RNF32: variants seen among roughly 807,000 people sequenced by gnomAD.
RNF32 encodes the protein ring finger protein 32.
A neutral mutation model predicts 41.0 loss-of-function variants in RNF32; 36 were observed. The ratio of observed to expected loss-of-function variants is 0.88; its 90% CI spans 0.67 to 1.16. RNF32 has a LOEUF of 1.16. RNF32 is among the 50% of genes most tolerant of loss of function. RNF32 has a pLI of 0.00. For synonymous variants in RNF32, 154 were observed against 160.9 expected (o/e 0.96, Z 0.32); for missense variants, 413 against 436.7 (o/e 0.95, Z 0.48).
In RNF32 at chr7:156,643,863, T is replaced by C. The variant is rs201517750; in HGVS notation, c.-15T>C. On this transcript the variant is annotated 5_prime_UTR_variant, in exon 2 of 9. Coordinates refer to ENST00000317955, the MANE Select transcript of RNF32 (RefSeq NM_030936.4). ...GAATTTGTGATAGCCAAGCAACAAC[T>C]TTTCCTAATTCGGCATGTTAAAAAA... The C allele has an allele frequency of 8.3e-5, 133 of 1,611,252 alleles. No individual in the cohort carries two copies. In the Middle Eastern group the frequency reaches 1.2e-3, roughly 14 times the overall value.
intron 7 of RNF32, among the ~76,000 whole-genome samples, chr7:156,663,098 T>G (rs1380120731): frequency 6.6e-6 from 1 of 152,136 alleles, no homozygotes; most frequent in Non-Finnish European, 1.5e-5. Context: ...CCTCCCAAAG[T>G]GCTGGGATTA....
chr7:156,654,345 A>G (rs771856522), intron 3 of RNF32: 7 of 430,036 alleles, frequency 1.6e-5, no homozygotes, highest in Non-Finnish European at 2.5e-5. Flanking sequence ...GAGGATATGC[A>G]TGGGTTGTAT....
intron 1 of RNF32, among the ~76,000 whole-genome samples, chr7:156,642,433 C>T (rs901078423): frequency 6.6e-6 from 1 of 152,190 alleles, no homozygotes; most frequent in African/African-American, 2.4e-5. Context: ...ATAATGTTGG[C>T]CAAGCCAAAG....
At chr7:156,643,757 C>T in intron 1 of RNF32, 44 bp from the exon 2 acceptor site, 1 of 880,254 alleles carries the variant, frequency 1.1e-6, no homozygotes, top group South Asian at 1.5e-5. Context: ...CATGGTTTTT[C>T]TGTGCACTGT....
intron 3 of RNF32, among the ~76,000 whole-genome samples, chr7:156,650,519 G>A (rs1230210898): frequency 6.6e-6 from 1 of 152,356 alleles, no homozygotes; most frequent in African/African-American, 2.4e-5. Flanking sequence ...ATTGTGGCCA[G>A]AGAGCACAGC....
At chr7:156,646,914 C>T (rs147584312) in intron 3 of RNF32, among the ~76,000 whole-genome samples, 2,346 of 152,182 alleles carry the variant, frequency 0.015, 42 homozygotes, top group African/African-American at 0.053. Flanking sequence ...TGCAGTGGTG[C>T]GATCTTGGCC....
Position 156,658,204 on chromosome 7 carries a change from G to C in RNF32, c.527G>C (p.Arg176Pro), listed in dbSNP as rs539583603. The change falls in exon 6 of 9, where the codon CGA (arginine) becomes CCA (proline). Residue 176 changes from arginine (R) to proline (P), a missense_variant. By Grantham distance (103) the Arg-to-Pro change is moderately radical (BLOSUM62 -2). Coordinates refer to ENST00000317955, the MANE Select transcript of RNF32 (RefSeq NM_030936.4). Reference sequence around the variant, plus strand: ...TGTAGAAAGAACCAGTATCAAACCCGAGTGATACACGATGGGGCCCGCCTG... The same window carrying C: ...TGTAGAAAGAACCAGTATCAAACCCCAGTGATACACGATGGGGCCCGCCTG... ...PLCRKNQYQT[R>P]VIHDGARLFR... 2 of 1,614,082 alleles carry C rather than the reference G, an allele frequency of 1.2e-6. No homozygotes were observed. The highest frequency in any genetic ancestry group is 1.3e-5 in the African/African-American group (1 of 74,930).
At chr7:156,676,184 T>C in intron 8 of RNF32, 7 of 1,293,788 alleles carry the variant, frequency 5.4e-6, no homozygotes, top group Non-Finnish European at 6.3e-6. Context: ...GGATGTTGCT[T>C]ATCACAGGTG....
intron 7 of RNF32, among the ~76,000 whole-genome samples, chr7:156,675,131 C>A (rs1227684587): frequency 6.6e-6 from 1 of 152,094 alleles, no homozygotes; most frequent in African/African-American, 2.4e-5. Context: ...GAAGAGGCAG[C>A]GGCGACCCGA....
Position 156,654,587 on chromosome 7 carries a change from G to T in RNF32, c.286G>T (p.Gly96Cys), listed in dbSNP as rs765083260. Reference protein sequence around the residue: ...PPPLTLAQKLGLIGPPPPPLS... With the variant: ...PPPLTLAQKLCLIGPPPPPLS... ...CTGTCTTACTTTAGCACAGAAGTTG[G>T]GCCTCATTGGGCCTCCACCACCTCC... The change falls in exon 4 of 9, where the codon GGC (glycine) becomes TGC (cysteine). Residue 96 changes from glycine (G) to cysteine (C), a missense_variant. Coordinates refer to ENST00000317955, the MANE Select transcript of RNF32 (RefSeq NM_030936.4). 4 of 1,613,864 alleles carry T rather than the reference G, an allele frequency of 2.5e-6. No individual in the cohort carries two copies. The Admixed American group carries it at 6.7e-5, about 27-fold the overall frequency.
rs1406606601 is a variant in RNF32, at chr7:156,669,299, C to G, written c.685-6397C>G. On this transcript the variant is annotated intron_variant, in intron 7 of 8. Coordinates refer to ENST00000317955, the MANE Select transcript of RNF32 (RefSeq NM_030936.4). The surrounding 1 kb of genome is among the most constrained non-coding windows in gnomAD (Gnocchi z 4.2). ...CTTCCTGCAGGGAGCTGGGGAGAGA[C>G]AAATAATAAAATATTTTGTTACAAT... The G allele has an allele frequency of 6.6e-6, 1 of 151,930 alleles. No homozygotes were observed. Among genetic ancestry groups the G allele is most frequent in the Non-Finnish European group, 1.5e-5 (1 of 68,008 alleles). The allele number at this position is 151,930 out of a possible 1,614,324, so 9.4% of individuals were successfully genotyped here. A position where few individuals can be genotyped will look rare whatever the true frequency, so the allele number is the denominator to read the frequency against.
rs1376818758 is a variant in RNF32 at position 156,676,102 on chromosome 7, G to T, written c.852+239G>T. On this transcript the variant is annotated intron_variant, in intron 8 of 8. Transcript: ENST00000317955. ...TGCCCTAGCTGCCCCTGCACCTGTGGTAGGACTTTCCTCATGGGCTTTAGG... is the reference window on the plus strand; with the variant it reads ...TGCCCTAGCTGCCCCTGCACCTGTGTTAGGACTTTCCTCATGGGCTTTAGG... 5.1e-6 allele frequency: 4 copies of T among 790,420 alleles called. No homozygotes were observed. The East Asian group carries it at 1.1e-4, about 21-fold the overall frequency. 49.0% of individuals were successfully genotyped at this position (790,420 alleles called of 1,614,324 possible).
At chr7:156,676,211 C>T in intron 8 of RNF32, 3 of 1,479,586 alleles carry the variant, frequency 2.0e-6, no homozygotes, top group Non-Finnish European at 2.7e-6. Flanking sequence ...TAACCCTTTC[C>T]ACAGTTCCCA....
intron 3 of RNF32, among the ~76,000 whole-genome samples, chr7:156,648,836 C>G (rs1170759083): frequency 6.6e-6 from 1 of 152,076 alleles, no homozygotes; most frequent in African/African-American, 2.4e-5. Flanking sequence ...AATTTTCATT[C>G]TGATTAATGT....
intron 1 of RNF32, among the ~76,000 whole-genome samples, chr7:156,642,127 G>A (rs1797426206): frequency 6.6e-6 from 1 of 152,072 alleles, no homozygotes; most frequent in Non-Finnish European, 1.5e-5. Flanking sequence ...TTAGAGTTAG[G>A]CCCTCAACAC....
chr7:156,646,027 G>T (rs1444521510), intron 3 of RNF32, among the ~76,000 whole-genome samples: 1 of 152,186 alleles, frequency 6.6e-6, no homozygotes, highest in Non-Finnish European at 1.5e-5. Flanking sequence ...CTTTATGATA[G>T]GTGGGATGCA....
rs199762754 is a variant in RNF32 at position 156,649,310 on chromosome 7, GTC to G, written c.274+4557_274+4558del. Reference sequence around the variant, plus strand: ...CATCTCACACCATTTAGGTCTTTTTGTCTCTGATTCCTAGGGGTTTTCTGAGT... The same window carrying G: ...CATCTCACACCATTTAGGTCTTTTTGTCTGATTCCTAGGGGTTTTCTGAGT... On this transcript the variant is annotated intron_variant, in intron 3 of 8. Coordinates refer to ENST00000317955, the MANE Select transcript of RNF32 (RefSeq NM_030936.4). Among the ~76,000 whole-genome samples, 95 of 152,132 alleles carry G rather than the reference GTC, an allele frequency of 6.2e-4. 1 individual carries two copies. The East Asian group carries it at 0.017, about 27-fold the overall frequency.
Position 156,676,772 on chromosome 7 carries a change from G to A in RNF32, c.*117G>A, listed in dbSNP as rs552622606. On this transcript the variant is annotated 3_prime_UTR_variant, in exon 9 of 9. Coordinates refer to ENST00000317955, the MANE Select transcript of RNF32 (RefSeq NM_030936.4). ...TGTAATCTGTTTCCCAGGGAAATAAGCTATTGGTAGTTGTAGGAAATCTTA... is the reference window on the plus strand; with the variant it reads ...TGTAATCTGTTTCCCAGGGAAATAAACTATTGGTAGTTGTAGGAAATCTTA... 1.2e-5 allele frequency: 9 copies of A among 722,868 alleles called. No homozygotes were observed. Among genetic ancestry groups the A allele is most frequent in the Non-Finnish European group, 2.1e-5 (9 of 429,170 alleles). 44.8% of individuals were successfully genotyped at this position (722,868 alleles called of 1,614,324 possible).
In RNF32 at chr7:156,644,529, G is replaced by A; in HGVS notation, c.46G>A (p.Val16Ile). 1 of 1,611,308 alleles carries A rather than the reference G, an allele frequency of 6.2e-7. No individual in the cohort carries two copies. Among genetic ancestry groups the A allele is most frequent in the Non-Finnish European group, 8.5e-7 (1 of 1,179,044 alleles). Residue 16 changes from valine (V) to isoleucine (I), a missense_variant, in exon 3 of 9, where the codon GTC (valine) becomes ATC (isoleucine). Physicochemically the swap from Val to Ile is conservative, Grantham distance 29 (BLOSUM62 3). Coordinates refer to ENST00000317955, the MANE Select transcript of RNF32 (RefSeq NM_030936.4). ...CTCATCTAAGAAAGATAACTTGGCA[G>A]TCAATGCAGTTGCTTTACAAGATCA... ...GHSSKKDNLA[V>I]NAVALQDHIL...
Sources: allele counts gnomAD v4.1 joint callset (sites outside exome capture counted in the v4.1 genomes callset), GRCh38; gene constraint gnomAD v4.1.1; non-coding constraint Gnocchi (gnomAD v3.1); transcripts MANE v1.5; gene names NCBI Gene and HGNC (gene_info 2026-07-23, HGNC 2026-07-21).